Variants in NSD1 observed in about 807,000 individuals in gnomAD.
NSD1 encodes the protein histone-lysine N-methyltransferase, H3 lysine-36 specific.
A neutral mutation model predicts 242.7 loss-of-function variants in NSD1; 26 were observed. The observed-to-expected ratio is 0.11, with a 90% CI of 0.08 to 0.15. The LOEUF (loss-of-function observed/expected upper bound fraction) is 0.15, where lower values mean the gene tolerates loss of function less well. NSD1 is among the 10% of genes least tolerant of loss of function. The probability of loss-of-function intolerance (pLI) is 1.00; values close to 1 mark genes in which losing one functional copy is unlikely to be tolerated. For synonymous variants in NSD1, 1,106 were observed against 1,178.1 expected, an observed-to-expected ratio of 0.94 and a Z score of 1.25; for missense variants, 2,495 against 3,272.8, an observed-to-expected ratio of 0.76 and a Z score of 5.80.
At position 177,298,617 on chromosome 5, in the gene NSD1, T is replaced by C. The variant is rs372734636; in HGVS notation, c.*3158T>C. On this transcript the variant is annotated 3_prime_UTR_variant, in exon 23 of 23. Transcript: ENST00000439151. ...CCTCTTCTGAACCAAATCTTTAGCATTGATGAAAATAGTTATTTTATTCTT... is the reference window on the plus strand; with the variant it reads ...CCTCTTCTGAACCAAATCTTTAGCACTGATGAAAATAGTTATTTTATTCTT... 3.4e-5 allele frequency: 8 copies of C among 233,338 alleles called. No individual in the cohort carries two copies. The highest frequency in any genetic ancestry group is 1.2e-4 in the East Asian group (2 of 16,598). 14.5% of individuals were successfully genotyped at this position (233,338 alleles called of 1,614,324 possible). A position where few individuals can be genotyped will look rare whatever the true frequency, so the allele number is the denominator to read the frequency against.
intron 2 of NSD1, among the ~76,000 whole-genome samples, chr5:177,140,968 A>G (rs1304923973): frequency 1.3e-5 from 2 of 151,966 alleles, no homozygotes; most frequent in East Asian, 3.9e-4. Context: ...ATCTCTTCAC[A>G]CCTGAGGTTC....
intron 2 of NSD1, among the ~76,000 whole-genome samples, chr5:177,188,461 A>G (rs1213970127): frequency 6.6e-6 from 1 of 152,204 alleles, no homozygotes; most frequent in Non-Finnish European, 1.5e-5. Context: ...TTCAAGATAG[A>G]AGAAAGTAAA....
intron 2 of NSD1, among the ~76,000 whole-genome samples, chr5:177,157,170 C>T (rs907732145): frequency 1.3e-5 from 2 of 152,020 alleles, no homozygotes; most frequent in Non-Finnish European, 2.9e-5. Flanking sequence ...GAGTTTGAGA[C>T]CAGCCTGACC....
chr5:177,224,483 G>T (rs1262262970), intron 5 of NSD1, among the ~76,000 whole-genome samples: 2 of 151,396 alleles, frequency 1.3e-5, no homozygotes, highest in African/African-American at 4.9e-5. Flanking sequence ...TGAAAATTTT[G>T]TATATTATTT....
chr5:177,139,419 C>T (rs528024182), intron 2 of NSD1, among the ~76,000 whole-genome samples: 215 of 147,212 alleles, frequency 1.5e-3, no homozygotes, highest in Middle Eastern at 6.9e-3. Flanking sequence ...GCACTCCAGC[C>T]TTGAGACAGA....
chr5:177,135,055 C>A, intron 1 of NSD1, 32 bp from the exon 2 acceptor site: 1 of 1,590,552 alleles, frequency 6.3e-7, no homozygotes, highest in Non-Finnish European at 8.6e-7. Context: ...GGCCTATTAA[C>A]TCAGATTAAT....
intron 5 of NSD1, among the ~76,000 whole-genome samples, chr5:177,218,522 C>G (rs1763965398): frequency 6.6e-6 from 1 of 151,348 alleles, no homozygotes; most frequent in African/African-American, 2.4e-5. Context: ...TATTTTTGAA[C>G]CATCGTTGCA....
intron 22 of NSD1, among the ~76,000 whole-genome samples, chr5:177,292,688 T>A (rs1759938813): frequency 6.6e-6 from 1 of 152,214 alleles, no homozygotes; most frequent in African/African-American, 2.4e-5. Context: ...CAGAGTAGAC[T>A]TTTTTCCTCT....
At chr5:177,154,994 C>T (rs1308069772) in intron 2 of NSD1, among the ~76,000 whole-genome samples, 2 of 147,794 alleles carry the variant, frequency 1.4e-5, no homozygotes, top group East Asian at 4.1e-4. Flanking sequence ...CCGTGCCCGG[C>T]AATTTTTTTT....
At chr5:177,230,621 T>A (rs56314219) in intron 5 of NSD1, among the ~76,000 whole-genome samples, 11,939 of 151,088 alleles carry the variant, frequency 0.079, 984 homozygotes, top group African/African-American at 0.21. Flanking sequence ...AGGACAGGAG[T>A]TTGAGACCAG....
intron 5 of NSD1, chr5:177,220,920 A>T: frequency 2.4e-6 from 1 of 425,434 alleles, no homozygotes; most frequent in Admixed American, 2.6e-5. Context: ...GCTGTAGTGC[A>T]GTGGGGCAAT....
chr5:177,152,259 G>T (rs1487908170), intron 2 of NSD1, among the ~76,000 whole-genome samples: 2 of 151,886 alleles, frequency 1.3e-5, no homozygotes, highest in Non-Finnish European at 2.9e-5. Flanking sequence ...TCCTGCCTCG[G>T]CCTCCCAAAG....
chr5:177,292,281 A>AT (rs1401512825), intron 22 of NSD1, 123 bp downstream of exon 22: 1 of 933,996 alleles, frequency 1.1e-6, no homozygotes, highest in East Asian at 2.6e-5. Flanking sequence ...TTTGAGGGGT[A>AT]TGGTCTATTT....
intron 3 of NSD1, among the ~76,000 whole-genome samples, chr5:177,195,313 T>G (rs1344060321): frequency 6.6e-6 from 1 of 152,048 alleles, no homozygotes; most frequent in East Asian, 1.9e-4. Flanking sequence ...TGAGACACTT[T>G]CTCTTTAATT....
chr5:177,265,235 G>A, intron 14 of NSD1: 1 of 759,166 alleles, frequency 1.3e-6, no homozygotes, highest in Non-Finnish European at 2.4e-6. Flanking sequence ...ATGAATTCAT[G>A]GCATCATAGG....
chr5:177,239,892 G>C, intron 8 of NSD1, 27 bp downstream of exon 8: 1 of 1,381,276 alleles, frequency 7.2e-7, no homozygotes, highest in Non-Finnish European at 1.0e-6. Context: ...AGTTCTAAAA[G>C]AAATAAACTC....
intron 3 of NSD1, among the ~76,000 whole-genome samples, chr5:177,202,109 A>G (rs1762553185): frequency 6.6e-6 from 1 of 151,850 alleles, no homozygotes; most frequent in Non-Finnish European, 1.5e-5. Context: ...CAGAGGTTGC[A>G]GTGAGCCAAG....
chr5:177,193,612 G>A (rs6873690), intron 3 of NSD1, among the ~76,000 whole-genome samples: 13,643 of 151,862 alleles, frequency 0.09, 2,012 homozygotes, highest in African/African-American at 0.31. Flanking sequence ...TTTCTGTTAG[G>A]ATGGTAGTGA....
chr5:177,221,819 C>G (rs1208056429), intron 5 of NSD1, among the ~76,000 whole-genome samples: 1 of 148,648 alleles, frequency 6.7e-6, no homozygotes, highest in Non-Finnish European at 1.5e-5. Context: ...TTTGTTTTTT[C>G]TTTTTTTGAG....
Sources: allele counts gnomAD v4.1 joint callset (sites outside exome capture counted in the v4.1 genomes callset), GRCh38; gene constraint gnomAD v4.1.1; transcripts MANE v1.5; gene names NCBI Gene and HGNC (gene_info 2026-07-23, HGNC 2026-07-21).